Variants in GPC6 observed in about 807,000 individuals in gnomAD.
The protein encoded by GPC6 is glypican-6.
A neutral mutation model predicts 55.2 loss-of-function variants in GPC6; 14 were observed. That is an observed-to-expected ratio of 0.25 (90% CI 0.17 to 0.40). The LOEUF (loss-of-function observed/expected upper bound fraction) is 0.40, where lower values mean the gene tolerates loss of function less well. Among genes scored for constraint, GPC6 ranks in the 10% least tolerant of loss-of-function variants. The probability of loss-of-function intolerance (pLI) is 1.00; values close to 1 mark genes in which losing one functional copy is unlikely to be tolerated. For missense variants in GPC6, 641 were observed against 708.5 expected (o/e 0.90, Z 1.08); for synonymous variants, 278 against 259.6 (o/e 1.07, Z -0.68).
At chr13:94,275,769 CAAAG>C (rs1383563754) in intron 4 of GPC6, among the ~76,000 whole-genome samples, 1 of 150,724 alleles carries the variant, frequency 6.6e-6, no homozygotes, top group African/African-American at 2.4e-5. Flanking sequence ...AATAAATAGA[CAAAG>C]AAGAGAAAGA....
At chr13:93,964,409 C>T (rs1805436712) in intron 3 of GPC6, among the ~76,000 whole-genome samples, 1 of 152,140 alleles carries the variant, frequency 6.6e-6, no homozygotes, top group African/African-American at 2.4e-5. Flanking sequence ...ATGAGCAATA[C>T]TGTTAAAATA....
intron 4 of GPC6, among the ~76,000 whole-genome samples, chr13:94,176,011 G>T (rs1182737153): frequency 1.4e-5 from 2 of 148,076 alleles, no homozygotes; most frequent in Admixed American, 1.4e-4. Flanking sequence ...GTCCAATGGA[G>T]AATTTTTTAA....
At position 93,871,760 on chromosome 13, in the gene GPC6, A is replaced by G. The variant is rs549510633; in HGVS notation, c.711+41215A>G. Among the ~76,000 whole-genome samples, 3 of 152,094 alleles carry G rather than the reference A, an allele frequency of 2.0e-5. No homozygotes were observed. In the South Asian group the frequency reaches 6.2e-4, roughly 32 times the overall value. Reference sequence around the variant, plus strand: ...ATTGTAAGTCACCATTACCAGTACAAGGAAGTGAAATATCCTCTTAATTTC... The same window carrying G: ...ATTGTAAGTCACCATTACCAGTACAGGGAAGTGAAATATCCTCTTAATTTC... On this transcript the variant is annotated intron_variant, in intron 3 of 8. Transcript: ENST00000377047.
chr13:94,182,294 G>T (rs1294008963), intron 4 of GPC6, among the ~76,000 whole-genome samples: 1 of 152,024 alleles, frequency 6.6e-6, no homozygotes, highest in African/African-American at 2.4e-5. Context: ...GATGATTAAT[G>T]ATCTGAGTCT....
In GPC6 at chr13:94,000,176, C is replaced by T. The variant is rs565436846; in HGVS notation, c.712-27553C>T. Among the ~76,000 whole-genome samples the T allele has an allele frequency of 3.0e-3, 454 of 152,272 alleles. 4 individuals are homozygous for T. Among genetic ancestry groups the T allele is most frequent in the African/African-American group, 0.011 (440 of 41,558 alleles). ...TCCTACTCACTCTTCCCTGAAACCC[C>T]AACTAGACATGTAGATAGTACGTTC... On this transcript the variant is annotated intron_variant, in intron 3 of 8. Transcript: ENST00000377047.
chr13:93,946,395 G>A (rs984016304), intron 3 of GPC6, among the ~76,000 whole-genome samples: 1 of 152,118 alleles, frequency 6.6e-6, no homozygotes, highest in Non-Finnish European at 1.5e-5. Flanking sequence ...GCCTCCAAAA[G>A]TGCTAAGATT....
intron 2 of GPC6, among the ~76,000 whole-genome samples, chr13:93,690,546 T>C (rs1232874854): frequency 2.6e-5 from 4 of 151,940 alleles, no homozygotes; most frequent in Non-Finnish European, 5.9e-5. Flanking sequence ...TTGCCATGCC[T>C]CCTACAAGAT....
chr13:93,583,781 A>G (rs1336434558), intron 2 of GPC6, among the ~76,000 whole-genome samples: 2 of 152,174 alleles, frequency 1.3e-5, no homozygotes, highest in Non-Finnish European at 2.9e-5. Context: ...TTATATACGG[A>G]CTAATAGAGA....
chr13:94,402,882 A>T, intron 8 of GPC6, 133 bp from the exon 9 acceptor site: 1 of 786,876 alleles, frequency 1.3e-6, no homozygotes, highest in Admixed American at 1.7e-5. Context: ...ACCATGATTG[A>T]ATTACCTCCA....
At chr13:93,334,081 TTTCA>T (rs767563697) in intron 1 of GPC6, among the ~76,000 whole-genome samples, 4 of 152,142 alleles carry the variant, frequency 2.6e-5, no homozygotes, top group Non-Finnish European at 5.9e-5. Flanking sequence ...CAAGATCCAT[TTTCA>T]TTTATTTCTA....
intron 1 of GPC6, among the ~76,000 whole-genome samples, chr13:93,269,718 G>T (rs1269707535): frequency 6.9e-6 from 1 of 145,544 alleles, no homozygotes; most frequent in South Asian, 2.2e-4. Context: ...GAGGTCAGGA[G>T]ATCAAGACTA....
chr13:93,963,239 A>G (rs1368684919), intron 3 of GPC6, among the ~76,000 whole-genome samples: 2 of 152,128 alleles, frequency 1.3e-5, no homozygotes, highest in African/African-American at 2.4e-5. Flanking sequence ...AAGGGTTTTC[A>G]TGGTCTTGAT....
At position 93,529,756 on chromosome 13, in the gene GPC6, C is replaced by A. The variant is rs181930696; in HGVS notation, c.161-15507C>A. Among the ~76,000 whole-genome samples, 387 of 152,016 alleles carry A rather than the reference C, an allele frequency of 2.5e-3. 1 individual carries two copies. The highest frequency in any genetic ancestry group is 9.0e-3 in the African/African-American group (374 of 41,462). On this transcript the variant is annotated intron_variant, in intron 1 of 8. Coordinates refer to ENST00000377047, the MANE Select transcript of GPC6 (RefSeq NM_005708.5). ...GGTCTCAAACTCCTGACCTCGTGAT[C>A]CACCCACCTCAGCCTCCCAAAGTGC...
intron 3 of GPC6, among the ~76,000 whole-genome samples, chr13:93,983,956 A>G (rs967717749): frequency 6.6e-6 from 1 of 152,194 alleles, no homozygotes; most frequent in Non-Finnish European, 1.5e-5. Context: ...CCATAAGACA[A>G]CAATTAAAGA....
At chr13:94,394,628 C>T (rs1048851258) in intron 7 of GPC6, among the ~76,000 whole-genome samples, 10 of 152,046 alleles carry the variant, frequency 6.6e-5, no homozygotes, top group African/African-American at 2.4e-4. Flanking sequence ...AGACCCTTTC[C>T]GGGGGTCGCA....
intron 3 of GPC6, among the ~76,000 whole-genome samples, chr13:93,902,139 G>A (rs1165163803): frequency 6.6e-6 from 1 of 151,950 alleles, no homozygotes; most frequent in African/African-American, 2.4e-5. Flanking sequence ...TCATCCTACT[G>A]TGTGACAGAA....
chr13:93,234,275 C>G (rs954605972), intron 1 of GPC6, among the ~76,000 whole-genome samples: 6 of 152,192 alleles, frequency 3.9e-5, no homozygotes, highest in African/African-American at 1.4e-4. Context: ...GAGGGACTTT[C>G]CTTCACGTGC....
chr13:93,851,696 A>T (rs1888407434), intron 3 of GPC6, among the ~76,000 whole-genome samples: 2 of 151,906 alleles, frequency 1.3e-5, no homozygotes, highest in Non-Finnish European at 2.9e-5. Flanking sequence ...GAAAAACAGC[A>T]TTATGTTTGT....
rs1189354449 is a variant in GPC6, at chr13:93,949,104, TTCCAGTGGCAAAGGCACTC to T, written c.712-78621_712-78603del. On this transcript the variant is annotated intron_variant, in intron 3 of 8. Coordinates refer to ENST00000377047, the MANE Select transcript of GPC6 (RefSeq NM_005708.5). ...CTGCGTTGTTGGGAACCTTCTACATTTCCAGTGGCAAAGGCACTCTCCCTGGCTCAAATTTAACACCTCC... is the reference window on the plus strand; with the variant it reads ...CTGCGTTGTTGGGAACCTTCTACATTTCCCTGGCTCAAATTTAACACCTCC... 2.9e-4 allele frequency among the ~76,000 whole-genome samples: 44 copies of T among 152,254 alleles called. 1 individual carries two copies. The South Asian group carries it at 8.9e-3, about 31-fold the overall frequency.
Sources: allele counts gnomAD v4.1 joint callset (sites outside exome capture counted in the v4.1 genomes callset), GRCh38; gene constraint gnomAD v4.1.1; transcripts MANE v1.5; gene names NCBI Gene and HGNC (gene_info 2026-07-23, HGNC 2026-07-21).